Variants in SHROOM3 observed in about 807,000 individuals in gnomAD.
The protein encoded by SHROOM3 is shroom family member 3, also known as protein Shroom3.
In SHROOM3, 47 loss-of-function variants were observed where a neutral mutation model predicts 138.6. That is an observed-to-expected ratio of 0.34 (90% CI 0.27 to 0.43). The LOEUF is 0.43. Ranked by LOEUF, SHROOM3 falls within the 20% of genes least tolerant of loss-of-function variation. The pLI is 1.00. For synonymous variants in SHROOM3, 1,062 were observed against 1,063.3 expected (o/e 1.00, Z 0.02); for missense variants, 2,491 against 2,596.5 (o/e 0.96, Z 0.88).
intron 2 of SHROOM3, among the ~76,000 whole-genome samples, chr4:76,641,564 A>G (rs141369855): frequency 2.0e-4 from 30 of 152,348 alleles, no homozygotes; most frequent in Middle Eastern, 3.4e-3. Flanking sequence ...TGCATGTCAC[A>G]GGCTTCAACC....
At chr4:76,770,324 C>CAAAAAAA (rs529468839) in intron 9 of SHROOM3, among the ~76,000 whole-genome samples, 1 of 36,102 alleles carries the variant, frequency 2.8e-5, no homozygotes, top group African/African-American at 8.7e-5. Flanking sequence ...AACTCTGTCT[C>CAAAAAAA]AAAAAAAAAA....
intron 2 of SHROOM3, among the ~76,000 whole-genome samples, chr4:76,573,098 G>T (rs1017352132): frequency 1.3e-5 from 2 of 150,938 alleles, no homozygotes; most frequent in Non-Finnish European, 3.0e-5. Flanking sequence ...AAATAAAAAA[G>T]AAAAAAGAAA....
chr4:76,456,694 A>G (rs1043198374), intron 1 of SHROOM3, among the ~76,000 whole-genome samples: 1 of 152,204 alleles, frequency 6.6e-6, no homozygotes, highest in Non-Finnish European at 1.5e-5. Flanking sequence ...ATAGATATAC[A>G]TGTCATATGG....
chr4:76,721,364 G>A (rs1164820844), intron 3 of SHROOM3, among the ~76,000 whole-genome samples: 1 of 152,138 alleles, frequency 6.6e-6, no homozygotes, highest in Non-Finnish European at 1.5e-5. Context: ...AAAACACTAT[G>A]TGGACATGGT....
intron 1 of SHROOM3, among the ~76,000 whole-genome samples, chr4:76,491,790 C>T (rs1273768895): frequency 6.6e-6 from 1 of 152,190 alleles, no homozygotes; most frequent in Non-Finnish European, 1.5e-5. Flanking sequence ...TGATTTGCAG[C>T]CAGAGCATCC....
chr4:76,508,584 A>G (rs1009705844), intron 1 of SHROOM3, among the ~76,000 whole-genome samples: 1 of 152,236 alleles, frequency 6.6e-6, no homozygotes, highest in African/African-American at 2.4e-5. Flanking sequence ...GTTGCTGCAA[A>G]GAAGCCAAGT....
At chr4:76,695,909 C>A (rs1248927408) in intron 2 of SHROOM3, among the ~76,000 whole-genome samples, 1 of 152,166 alleles carries the variant, frequency 6.6e-6, no homozygotes, top group Non-Finnish European at 1.5e-5. Flanking sequence ...CATGCAGAGA[C>A]CTTTGGAGAC....
chr4:76,572,448 C>T (rs780954471), intron 2 of SHROOM3, among the ~76,000 whole-genome samples: 1 of 152,194 alleles, frequency 6.6e-6, no homozygotes, highest in Non-Finnish European at 1.5e-5. Flanking sequence ...CCCTGTGTGA[C>T]TGACACTTCC....
intron 2 of SHROOM3, among the ~76,000 whole-genome samples, chr4:76,700,342 C>G (rs1719868129): frequency 6.6e-6 from 1 of 152,152 alleles, no homozygotes; most frequent in South Asian, 2.1e-4. Flanking sequence ...TGTGCAGAAA[C>G]AGTTTGGCCC....
chr4:76,603,418 AAAACAAAAACAAACAAAC>A (rs778883921), intron 2 of SHROOM3, among the ~76,000 whole-genome samples: 13 of 150,574 alleles, frequency 8.6e-5, no homozygotes, highest in East Asian at 2.0e-4. Flanking sequence ...ACTCTGTCTC[AAAACAAAAACAAACAAAC>A]AAACAAAAAC....
intron 1 of SHROOM3, among the ~76,000 whole-genome samples, chr4:76,546,671 T>G (rs1733226705): frequency 6.6e-6 from 1 of 152,198 alleles, no homozygotes; most frequent in Admixed American, 6.5e-5. Context: ...TCCACCTACC[T>G]TTTTATCTCT....
chr4:76,605,523 T>C (rs1460349352), intron 2 of SHROOM3, among the ~76,000 whole-genome samples: 1 of 152,118 alleles, frequency 6.6e-6, no homozygotes, highest in Non-Finnish European at 1.5e-5. Flanking sequence ...TTCCTCTAAC[T>C]TGGGTAAGCA....
chr4:76,690,044 G>C (rs1719473944), intron 2 of SHROOM3, among the ~76,000 whole-genome samples: 4 of 152,210 alleles, frequency 2.6e-5, no homozygotes, highest in Admixed American at 2.6e-4. Flanking sequence ...CCCCTGCTGA[G>C]TTGAGAACTC....
chr4:76,458,346 G>A (rs140085169), intron 1 of SHROOM3, among the ~76,000 whole-genome samples: 1 of 152,258 alleles, frequency 6.6e-6, no homozygotes, highest in Admixed American at 6.5e-5. Context: ...TTTGTAGTGG[G>A]ATTTTAAGTG....
intron 2 of SHROOM3, among the ~76,000 whole-genome samples, chr4:76,649,738 A>G (rs1735912146): frequency 6.6e-6 from 1 of 152,218 alleles, no homozygotes; most frequent in Admixed American, 6.5e-5. Flanking sequence ...AGTATAGGAA[A>G]TCACTGTCAA....
intron 2 of SHROOM3, among the ~76,000 whole-genome samples, chr4:76,676,869 G>T (rs1168411477): frequency 6.6e-6 from 1 of 151,050 alleles, no homozygotes; most frequent in Non-Finnish European, 1.5e-5. Flanking sequence ...CGTGAACCCG[G>T]GAGGCGGAGC....
chr4:76,464,562 G>C (rs1731211208), intron 1 of SHROOM3, among the ~76,000 whole-genome samples: 1 of 152,176 alleles, frequency 6.6e-6, no homozygotes, highest in Non-Finnish European at 1.5e-5. Context: ...AGAAGGACAT[G>C]AGATTTTGGA....
intron 2 of SHROOM3, among the ~76,000 whole-genome samples, chr4:76,674,090 T>G (rs995036400): frequency 6.6e-6 from 1 of 151,998 alleles, no homozygotes; most frequent in Non-Finnish European, 1.5e-5. Flanking sequence ...ACCAGGCTGG[T>G]CTGAAACTCC....
intron 3 of SHROOM3, among the ~76,000 whole-genome samples, chr4:76,722,327 C>T (rs1045998533): frequency 2.6e-5 from 4 of 151,930 alleles, no homozygotes; most frequent in African/African-American, 9.7e-5. Flanking sequence ...ACTATGCAGC[C>T]GTAAAAAAGA....
Sources: allele counts gnomAD v4.1 joint callset (sites outside exome capture counted in the v4.1 genomes callset), GRCh38; gene constraint gnomAD v4.1.1; transcripts MANE v1.5; gene names NCBI Gene and HGNC (gene_info 2026-07-23, HGNC 2026-07-21).